Variants in SV2C observed in about 807,000 individuals in gnomAD.
SV2C encodes the protein solute carrier family 22 member B3.
In SV2C, 49 loss-of-function variants were observed where a neutral mutation model predicts 79.7. The observed-to-expected ratio is 0.61, with a 90% CI of 0.49 to 0.78. SV2C has a LOEUF of 0.78. Among genes scored for constraint, SV2C ranks in the 30% least tolerant of loss-of-function variants. The pLI, the probability that SV2C is intolerant of heterozygous loss-of-function variation, is 0.00. For missense variants in SV2C, 833 were observed against 912.9 expected, an observed-to-expected ratio of 0.91 and a Z score of 1.13; for synonymous variants, 334 against 333.2, an observed-to-expected ratio of 1.00 and a Z score of -0.03.
At chr5:75,967,818 G>C in the SV2C span, among the ~76,000 whole-genome samples, 7 of 152,236 alleles carry the variant, frequency 4.6e-5, no homozygotes, top group Non-Finnish European at 8.8e-5. Flanking sequence ...GCTTTGAAGA[G>C]AGTAGTGGTT....
chr5:75,902,200 G>A, the SV2C span, among the ~76,000 whole-genome samples: 1 of 152,180 alleles, frequency 6.6e-6, no homozygotes, highest in Non-Finnish European at 1.5e-5. Flanking sequence ...TGGGAGCTGT[G>A]GACCGGAGCT....
chr5:76,250,051 G>A (rs1221636990), intron 4 of SV2C, among the ~76,000 whole-genome samples: 1 of 152,134 alleles, frequency 6.6e-6, no homozygotes, highest in Admixed American at 6.5e-5. Context: ...GAAATCAGGT[G>A]TGAAATTCAA....
the SV2C span, among the ~76,000 whole-genome samples, chr5:76,062,730 C>T: frequency 6.6e-6 from 1 of 151,958 alleles, no homozygotes; most frequent in Non-Finnish European, 1.5e-5. Flanking sequence ...AAGAAAGGCT[C>T]TTTATTGTAA....
chr5:76,005,433 G>T, the SV2C span, among the ~76,000 whole-genome samples: 2 of 152,226 alleles, frequency 1.3e-5, no homozygotes, highest in African/African-American at 4.8e-5. Flanking sequence ...GTCTGTTTCT[G>T]CTCTATATAC....
intron 4 of SV2C, among the ~76,000 whole-genome samples, chr5:76,243,012 TAAAAAAAAAAAAAAA>T (rs559052290): frequency 2.0e-5 from 1 of 49,926 alleles, no homozygotes; most frequent in South Asian, 1.5e-3. Context: ...AGACCCCATC[TAAAAAAAAAAAAAAA>T]AAAAAAAAAA....
chr5:76,317,091 G>A (rs114649503), intron 12 of SV2C, among the ~76,000 whole-genome samples: 170 of 152,246 alleles, frequency 1.1e-3, no homozygotes, highest in African/African-American at 3.6e-3. Flanking sequence ...ACAAATCTGC[G>A]TATTAGACAA....
chr5:75,895,839 A>T, the SV2C span, among the ~76,000 whole-genome samples: 8 of 152,130 alleles, frequency 5.3e-5, no homozygotes, highest in African/African-American at 1.9e-4. Flanking sequence ...TGTTGCATTT[A>T]AAAATATCTG....
chr5:76,322,083 C>T (rs573025143), intron 12 of SV2C, among the ~76,000 whole-genome samples: 19 of 152,296 alleles, frequency 1.2e-4, no homozygotes, highest in African/African-American at 4.6e-4. Context: ...GATATAACCT[C>T]ACCCTCCCTA....
intron 2 of SV2C, among the ~76,000 whole-genome samples, chr5:76,177,379 C>A (rs1743571718): frequency 6.6e-6 from 1 of 151,512 alleles, no homozygotes; most frequent in African/African-American, 2.4e-5. Flanking sequence ...ATAGTACCGT[C>A]CCCTATATAT....
chr5:76,074,639 C>T, the SV2C span, among the ~76,000 whole-genome samples: 2 of 152,158 alleles, frequency 1.3e-5, no homozygotes, highest in African/African-American at 4.8e-5. Context: ...CCTTTCTCAT[C>T]TCTACCCTAC....
Position 76,295,919 on chromosome 5 carries a change from T to C in SV2C, c.1479T>C (p.Thr493=). 1 of 1,608,986 alleles carries C rather than the reference T, an allele frequency of 6.2e-7. No individual in the cohort carries two copies. Among genetic ancestry groups the C allele is most frequent in the Non-Finnish European group, 8.5e-7 (1 of 1,178,010 alleles). The change falls in exon 9 of 13, where the codon ACT becomes ACC. Residue 493 remains threonine (T), a synonymous_variant. Transcript: ENST00000502798. ...INFTMENQIH[T]GMEYDNGRFI... is the part of the protein sequence containing the mutation. ...TTACAATGGAAAATCAGATTCATAC[T>C]GGAATGGAATACGACAATGGCAGGT...
chr5:76,339,920 A>G (rs1277312435), intron 12 of SV2C, among the ~76,000 whole-genome samples: 4 of 152,094 alleles, frequency 2.6e-5, no homozygotes, highest in Non-Finnish European at 5.9e-5. Context: ...AGGTTAAGGC[A>G]TTCTAAGTCA....
the SV2C span, among the ~76,000 whole-genome samples, chr5:75,973,508 A>G: frequency 2.3e-5 from 3 of 127,998 alleles, no homozygotes; most frequent in African/African-American, 8.1e-5. Flanking sequence ...AAAAAAAGAA[A>G]AAAAAGAAAA....
At chr5:76,076,852 GT>G in the SV2C span, among the ~76,000 whole-genome samples, 1 of 152,168 alleles carries the variant, frequency 6.6e-6, no homozygotes, top group Admixed American at 6.5e-5. Flanking sequence ...TACACTGAAA[GT>G]GTAAACCTTC....
At chr5:76,184,411 TG>T (rs774678229) in intron 2 of SV2C, among the ~76,000 whole-genome samples, 1 of 152,204 alleles carries the variant, frequency 6.6e-6, no homozygotes, top group African/African-American at 2.4e-5. Context: ...GTTCAGTCAG[TG>T]ATTGGGATTA....
intron 12 of SV2C, among the ~76,000 whole-genome samples, chr5:76,323,342 T>C (rs886136158): frequency 6.6e-6 from 1 of 152,170 alleles, no homozygotes; most frequent in African/African-American, 2.4e-5. Flanking sequence ...TGAGATACTA[T>C]CTCATGCCAG....
the SV2C span, among the ~76,000 whole-genome samples, chr5:75,862,393 A>G: frequency 5.3e-5 from 8 of 152,220 alleles, no homozygotes; most frequent in Non-Finnish European, 1.0e-4. Flanking sequence ...TAGAACCTAC[A>G]TGGAAGCCCA....
chr5:76,009,882 C>A, the SV2C span, among the ~76,000 whole-genome samples: 11 of 151,742 alleles, frequency 7.2e-5, no homozygotes, highest in African/African-American at 2.4e-4. Context: ...CAAACCTGAA[C>A]ATGTACCCCC....
intron 4 of SV2C, among the ~76,000 whole-genome samples, chr5:76,279,472 C>T (rs1261931728): frequency 6.6e-5 from 10 of 151,950 alleles, no homozygotes; most frequent in East Asian, 1.9e-4. Context: ...GAGGTGGGAA[C>T]GAAACTAGCA....
Sources: allele counts gnomAD v4.1 joint callset (sites outside exome capture counted in the v4.1 genomes callset), GRCh38; gene constraint gnomAD v4.1.1; transcripts MANE v1.5; gene names NCBI Gene and HGNC (gene_info 2026-07-23, HGNC 2026-07-21).